Variants in STK32B observed in about 807,000 individuals in gnomAD.
STK32B encodes the protein serine/threonine-protein kinase 32B.
Under a neutral mutation model 52.6 loss-of-function variants are expected in STK32B, and 43 were observed. The ratio of observed to expected loss-of-function variants is 0.82; its 90% CI spans 0.64 to 1.05. The LOEUF (loss-of-function observed/expected upper bound fraction) is 1.05, where lower values mean the gene tolerates loss of function less well. Among genes scored for constraint, STK32B ranks in the 50% least tolerant of loss-of-function variants. STK32B has a pLI of 0.00. For missense variants in STK32B, 621 were observed against 534.6 expected, an observed-to-expected ratio of 1.16 and a Z score of -1.59; for synonymous variants, 238 against 204.3, an observed-to-expected ratio of 1.17 and a Z score of -1.41.
chr4:5,096,665 G>A (rs984125261), intron 1 of STK32B, among the ~76,000 whole-genome samples: 5 of 152,208 alleles, frequency 3.3e-5, no homozygotes, highest in Admixed American at 2.0e-4. Context: ...GGCATCTACG[G>A]CACCTGCTGG....
chr4:5,132,874 C>T (rs964178921), intron 1 of STK32B, among the ~76,000 whole-genome samples: 1 of 151,902 alleles, frequency 6.6e-6, no homozygotes, highest in African/African-American at 2.4e-5. Context: ...TCTTGGCTCA[C>T]TGCAACCTCT....
At chr4:5,404,948 G>A (rs1292804251) in intron 5 of STK32B, among the ~76,000 whole-genome samples, 1 of 143,470 alleles carries the variant, frequency 7.0e-6, no homozygotes, top group African/African-American at 2.6e-5. Flanking sequence ...CTCACTGCAA[G>A]CTCCGTCTCC....
chr4:5,391,920 C>T (rs944236666), intron 4 of STK32B, among the ~76,000 whole-genome samples: 4 of 152,164 alleles, frequency 2.6e-5, no homozygotes, highest in Non-Finnish European at 4.4e-5. Flanking sequence ...TCTCAGTGTT[C>T]ACTTTTCATC....
intron 11 of STK32B, among the ~76,000 whole-genome samples, chr4:5,483,430 G>C (rs1718887053): frequency 6.6e-6 from 1 of 152,062 alleles, no homozygotes; most frequent in Non-Finnish European, 1.5e-5. Flanking sequence ...GATCGGTGGT[G>C]ATATCCCCTT....
intron 6 of STK32B, among the ~76,000 whole-genome samples, chr4:5,421,937 T>A (rs1712683381): frequency 6.6e-6 from 1 of 152,236 alleles, no homozygotes; most frequent in South Asian, 2.1e-4. Context: ...GCCAAGTCTA[T>A]TTTGATCTGA....
intron 1 of STK32B, among the ~76,000 whole-genome samples, chr4:5,126,696 C>G (rs1372062835): frequency 6.6e-6 from 1 of 152,242 alleles, no homozygotes; most frequent in African/African-American, 2.4e-5. Context: ...AACCAACCCT[C>G]AGCAGTGCAA....
At chr4:5,142,850 G>A (rs1716579458) in intron 2 of STK32B, among the ~76,000 whole-genome samples, 1 of 152,280 alleles carries the variant, frequency 6.6e-6, no homozygotes, top group African/African-American at 2.4e-5. Flanking sequence ...TAGACTTTGA[G>A]TTAAGAAGTT....
At chr4:5,492,162 C>T (rs56692501) in intron 11 of STK32B, among the ~76,000 whole-genome samples, 5 of 152,218 alleles carry the variant, frequency 3.3e-5, no homozygotes, top group African/African-American at 1.2e-4. Flanking sequence ...CTATAAATTA[C>T]CTTGGGCAGT....
chr4:5,094,113 G>C lies in STK32B; in HGVS notation c.52+42198G>C, dbSNP rs1713251546. Among the ~76,000 whole-genome samples the C allele has an allele frequency of 3.3e-5, 5 of 152,268 alleles. No individual in the cohort carries two copies. The South Asian group carries it at 1.0e-3, about 32-fold the overall frequency. On this transcript the variant is annotated intron_variant, in intron 1 of 11. Transcript: ENST00000282908. ...CTCTTTATCTTACATTGAAAGTGCAGCTGTTATATGGGTGCAGGATTGCTA... is the reference window on the plus strand; with the variant it reads ...CTCTTTATCTTACATTGAAAGTGCACCTGTTATATGGGTGCAGGATTGCTA...
intron 3 of STK32B, among the ~76,000 whole-genome samples, chr4:5,171,714 T>C (rs1265639111): frequency 6.8e-6 from 1 of 146,476 alleles, no homozygotes; most frequent in Non-Finnish European, 1.5e-5. Context: ...ACTGTAGCCT[T>C]GTAGTATGGT....
chr4:5,120,744 T>C (rs1714980036), intron 1 of STK32B, among the ~76,000 whole-genome samples: 1 of 152,120 alleles, frequency 6.6e-6, no homozygotes, highest in Non-Finnish European at 1.5e-5. Context: ...TGATGACCGA[T>C]TGAAAAGGTA....
At position 5,400,748 on chromosome 4, in the gene STK32B, G is replaced by A. The variant is rs182963252; in HGVS notation, c.472+2504G>A. 1.3e-5 allele frequency among the ~76,000 whole-genome samples: 2 copies of A among 152,316 alleles called. No homozygotes were observed. The highest frequency in any genetic ancestry group is 3.9e-4 in the East Asian group (2 of 5,184). The stretch of plus-strand genomic sequence containing the variant: ...CCCTCCTTTACCTGCTCTTCTGAGG[G>A]GAGCTGATCGGCTTTTTGAGCAGAG... On this transcript the variant is annotated intron_variant, in intron 5 of 11. Coordinates refer to ENST00000282908, the MANE Select transcript of STK32B (RefSeq NM_018401.3). The surrounding 1 kb of genome is among the most constrained non-coding windows in gnomAD (Gnocchi z 6.1).
chr4:5,262,086 C>T (rs1286381626), intron 3 of STK32B, among the ~76,000 whole-genome samples: 1 of 152,152 alleles, frequency 6.6e-6, no homozygotes, highest in Non-Finnish European at 1.5e-5. Flanking sequence ...TTCCCCTCAT[C>T]TTTGCTGCTA....
At chr4:5,095,248 T>C (rs1406970513) in intron 1 of STK32B, among the ~76,000 whole-genome samples, 3 of 152,082 alleles carry the variant, frequency 2.0e-5, no homozygotes, top group Middle Eastern at 3.2e-3. Flanking sequence ...AGGCTGGTGG[T>C]TTAGACTGTG....
intron 2 of STK32B, among the ~76,000 whole-genome samples, chr4:5,162,323 C>T (rs999269572): frequency 6.6e-6 from 1 of 152,140 alleles, no homozygotes; most frequent in Non-Finnish European, 1.5e-5. Context: ...CCCTGGGATA[C>T]ATCTAAAAAA....
intron 1 of STK32B, among the ~76,000 whole-genome samples, chr4:5,127,365 G>T (rs934458365): frequency 2.0e-5 from 3 of 152,122 alleles, no homozygotes; most frequent in African/African-American, 7.2e-5. Context: ...GAGTGCAGAG[G>T]GCAGAGGGAA....
intron 3 of STK32B, among the ~76,000 whole-genome samples, chr4:5,221,933 C>A (rs1447281): frequency 2.6e-5 from 4 of 151,092 alleles, no homozygotes; most frequent in Admixed American, 2.0e-4. Flanking sequence ...ATTAGGCCAC[C>A]AGGTCTCCTC....
intron 3 of STK32B, among the ~76,000 whole-genome samples, chr4:5,230,224 C>G (rs1410761666): frequency 3.4e-5 from 4 of 116,854 alleles, no homozygotes; most frequent in African/African-American, 1.4e-4. Flanking sequence ...GAGTCTTGCA[C>G]CGTCGCCCAG....
intron 3 of STK32B, among the ~76,000 whole-genome samples, chr4:5,243,216 A>C (rs1202796444): frequency 1.3e-5 from 2 of 152,098 alleles, no homozygotes; most frequent in Non-Finnish European, 2.9e-5. Flanking sequence ...ATGAGCATGG[A>C]ATGTTCTTCC....
Sources: gnomAD v4.1 joint callset for allele counts (sites outside exome capture counted in the v4.1 genomes callset) on GRCh38, gnomAD v4.1.1 for gene constraint, Gnocchi (gnomAD v3.1) non-coding constraint, MANE v1.5 for transcripts, NCBI Gene and HGNC (gene_info 2026-07-23, HGNC 2026-07-21) for gene names.